The following PLXDC2 variants were observed in gnomAD, a reference collection of about 807,000 sequenced individuals.
PLXDC2 encodes plexin domain-containing protein 2.
In PLXDC2, 40 loss-of-function variants were observed where a neutral mutation model predicts 68.9. That is an observed-to-expected ratio of 0.58 (90% CI 0.45 to 0.76). PLXDC2 has a LOEUF of 0.76. PLXDC2 is among the 30% of genes least tolerant of loss of function. PLXDC2 has a pLI of 0.00. For missense variants in PLXDC2, 644 were observed against 661.9 expected, an observed-to-expected ratio of 0.97 and a Z score of 0.30; for synonymous variants, 243 against 234.2, an observed-to-expected ratio of 1.04 and a Z score of -0.34.
intron 2 of PLXDC2, among the ~76,000 whole-genome samples, chr10:20,013,703 T>C (rs1345128130): frequency 2.0e-5 from 3 of 152,192 alleles, no homozygotes; most frequent in Admixed American, 1.3e-4. Flanking sequence ...CTGAAAACAA[T>C]TCATTTGTCC....
At chr10:20,101,897 G>A (rs1328872075) in intron 4 of PLXDC2, among the ~76,000 whole-genome samples, 6 of 151,550 alleles carry the variant, frequency 4.0e-5, no homozygotes, top group African/African-American at 1.5e-4. Flanking sequence ...TCCCAGGTTC[G>A]AGCAATTCTC....
intron 1 of PLXDC2, among the ~76,000 whole-genome samples, chr10:19,837,409 A>AGT (rs3043789): frequency 2.9e-3 from 236 of 82,586 alleles, no homozygotes; most frequent in Non-Finnish European, 3.7e-3. Context: ...AGAGAGAGAG[A>AGT]GTGTGTGTGT....
intron 1 of PLXDC2, among the ~76,000 whole-genome samples, chr10:19,833,890 A>T (rs1210933063): frequency 2.0e-5 from 3 of 152,130 alleles, no homozygotes; most frequent in Non-Finnish European, 4.4e-5. Context: ...TAAAAAATGC[A>T]TACAAATCTT....
intron 1 of PLXDC2, among the ~76,000 whole-genome samples, chr10:19,823,807 G>T (rs1448895809): frequency 1.3e-5 from 2 of 151,974 alleles, no homozygotes; most frequent in African/African-American, 4.8e-5. Flanking sequence ...GGCAACATAG[G>T]GAAGAGACCT....
intron 9 of PLXDC2, among the ~76,000 whole-genome samples, chr10:20,187,824 A>G (rs1264468834): frequency 6.6e-6 from 1 of 151,936 alleles, no homozygotes; most frequent in African/African-American, 2.4e-5. Flanking sequence ...AAATATTAAA[A>G]GAGCTGGGTT....
At chr10:19,839,195 A>G (rs1564605192) in intron 1 of PLXDC2, among the ~76,000 whole-genome samples, 1 of 151,886 alleles carries the variant, frequency 6.6e-6, no homozygotes, top group Non-Finnish European at 1.5e-5. Context: ...TCAAAAAAAA[A>G]AAAAAAAAAA....
chr10:20,031,245 C>T (rs892005823), intron 2 of PLXDC2, among the ~76,000 whole-genome samples: 5 of 151,992 alleles, frequency 3.3e-5, no homozygotes, highest in African/African-American at 1.2e-4. Flanking sequence ...TGTCATGTGC[C>T]TGTAGTCCCA....
intron 1 of PLXDC2, among the ~76,000 whole-genome samples, chr10:19,914,459 A>T (rs952723015): frequency 6.6e-6 from 1 of 152,218 alleles, no homozygotes; most frequent in African/African-American, 2.4e-5. Context: ...ATCTTAATTA[A>T]TTCACCAAAT....
intron 1 of PLXDC2, among the ~76,000 whole-genome samples, chr10:19,832,708 C>T (rs1836717684): frequency 6.6e-6 from 1 of 152,150 alleles, no homozygotes; most frequent in Non-Finnish European, 1.5e-5. Context: ...TTACAAGAGG[C>T]TATGTGCATG....
chr10:19,915,189 GTTGT>G (rs1833343135), intron 1 of PLXDC2, among the ~76,000 whole-genome samples: 1 of 151,892 alleles, frequency 6.6e-6, no homozygotes, highest in Non-Finnish European at 1.5e-5. Flanking sequence ...TTCCTTTATT[GTTGT>G]TTATCTGCTT....
At chr10:19,893,793 A>G (rs1838007933) in intron 1 of PLXDC2, among the ~76,000 whole-genome samples, 1 of 152,204 alleles carries the variant, frequency 6.6e-6, no homozygotes, top group Non-Finnish European at 1.5e-5. Flanking sequence ...TCATGTCAGA[A>G]ATGACAACTC....
Position 20,129,078 on chromosome 10 carries a change from A to G in PLXDC2, c.542-14217A>G, listed in dbSNP as rs910891792. Among the ~76,000 whole-genome samples the G allele has an allele frequency of 3.9e-5, 6 of 152,248 alleles. No homozygotes were observed. In the East Asian group the frequency reaches 5.8e-4, roughly 15 times the overall value. On this transcript the variant is annotated intron_variant, in intron 4 of 13. Coordinates refer to ENST00000377252, the MANE Select transcript of PLXDC2 (RefSeq NM_032812.9). ...CCTCTGCGTTATTTCCATAATGACTATACTAATTTACATTTCCACCAACAA... is the reference window on the plus strand; with the variant it reads ...CCTCTGCGTTATTTCCATAATGACTGTACTAATTTACATTTCCACCAACAA...
intron 1 of PLXDC2, among the ~76,000 whole-genome samples, chr10:19,922,630 G>A (rs978715087): frequency 1.3e-4 from 20 of 152,014 alleles, no homozygotes; most frequent in African/African-American, 1.4e-4. Context: ...TTTACTTTAC[G>A]GCTTAGTTGT....
chr10:20,239,255 C>T (rs976009824), intron 12 of PLXDC2, among the ~76,000 whole-genome samples: 6 of 152,156 alleles, frequency 3.9e-5, no homozygotes, highest in East Asian at 1.9e-4. Flanking sequence ...GAAGAGTTTA[C>T]GTCTTAAGAC....
At chr10:20,251,637 G>A (rs1391977020) in intron 13 of PLXDC2, among the ~76,000 whole-genome samples, 1 of 151,996 alleles carries the variant, frequency 6.6e-6, no homozygotes, top group Non-Finnish European at 1.5e-5. Context: ...TACATAAAAT[G>A]TAATCTAACT....
At chr10:19,825,826 C>A (rs1226272673) in intron 1 of PLXDC2, among the ~76,000 whole-genome samples, 1 of 152,060 alleles carries the variant, frequency 6.6e-6, no homozygotes, top group Admixed American at 6.5e-5. Flanking sequence ...CTGTAGCTAC[C>A]GCTGACCTAA....
chr10:19,865,566 A>G (rs1039544959), intron 1 of PLXDC2, among the ~76,000 whole-genome samples: 3 of 152,078 alleles, frequency 2.0e-5, no homozygotes, highest in African/African-American at 7.2e-5. Context: ...TCTGCCATTT[A>G]GCCTCTCAGG....
intron 9 of PLXDC2, among the ~76,000 whole-genome samples, chr10:20,195,203 G>A (rs991810224): frequency 1.3e-5 from 2 of 152,068 alleles, no homozygotes; most frequent in African/African-American, 2.4e-5. Flanking sequence ...GGGCCTCACA[G>A]CCAAGTCTAT....
At chr10:20,236,318 G>A (rs1029474592) in intron 12 of PLXDC2, among the ~76,000 whole-genome samples, 1 of 151,922 alleles carries the variant, frequency 6.6e-6, no homozygotes, top group African/African-American at 2.4e-5. Context: ...GGTGGTGTGT[G>A]CATAAAGTCC....
Sources: allele counts gnomAD v4.1 joint callset (sites outside exome capture counted in the v4.1 genomes callset), GRCh38; gene constraint gnomAD v4.1.1; transcripts MANE v1.5; gene names NCBI Gene and HGNC (gene_info 2026-07-23, HGNC 2026-07-21).